ZNF407: variants seen among roughly 807,000 people sequenced by gnomAD.
The protein encoded by ZNF407 is zinc finger protein 407.
ZNF407 carries 17 observed loss-of-function variants against 131.2 expected under a neutral mutation model. The ratio of observed to expected loss-of-function variants is 0.13; its 90% CI spans 0.09 to 0.19. The LOEUF is 0.19. ZNF407 is among the 10% of genes least tolerant of loss of function. The pLI, the probability that ZNF407 is intolerant of heterozygous loss-of-function variation, is 1.00. For synonymous variants in ZNF407, 1,156 were observed against 1,062.0 expected (o/e 1.09, Z -1.72); for missense variants, 2,681 against 2,830.6 (o/e 0.95, Z 1.20).
At chr18:74,990,217 T>C (rs1972702788) in intron 8 of ZNF407, among the ~76,000 whole-genome samples, 1 of 152,230 alleles carries the variant, frequency 6.6e-6, no homozygotes, top group South Asian at 2.1e-4. Flanking sequence ...TTAAACGCTC[T>C]GTGCAGATGT....
intron 7 of ZNF407, among the ~76,000 whole-genome samples, chr18:74,902,675 G>T (rs72979454): frequency 0.022 from 3,326 of 152,128 alleles, 48 homozygotes; most frequent in Non-Finnish European, 0.034. Flanking sequence ...ATTATAAAAG[G>T]TTTACATTCT....
chr18:74,809,712 A>T (rs780193160), intron 4 of ZNF407, among the ~76,000 whole-genome samples: 14 of 152,228 alleles, frequency 9.2e-5, no homozygotes, highest in Non-Finnish European at 1.5e-4. Flanking sequence ...GGTAATTTTA[A>T]ACAGTTCTTG....
chr18:74,806,109 A>G (rs1038966172), intron 4 of ZNF407, among the ~76,000 whole-genome samples: 1 of 152,232 alleles, frequency 6.6e-6, no homozygotes, highest in African/African-American at 2.4e-5. Context: ...TATACTTTGT[A>G]GAACTCCAAG....
chr18:74,849,677 ACAGT>A (rs978012825), intron 4 of ZNF407, among the ~76,000 whole-genome samples: 1 of 152,188 alleles, frequency 6.6e-6, no homozygotes, highest in Non-Finnish European at 1.5e-5. Flanking sequence ...ACCTGCTTAG[ACAGT>A]CATCCTTCCA....
At chr18:74,647,029 T>C (rs964535468) in intron 3 of ZNF407, among the ~76,000 whole-genome samples, 1 of 152,244 alleles carries the variant, frequency 6.6e-6, no homozygotes, top group Admixed American at 6.5e-5. Flanking sequence ...GTGTAGTAGT[T>C]GAAAACATTG....
At chr18:74,699,001 TTTTCTC>T (rs933869424) in intron 3 of ZNF407, among the ~76,000 whole-genome samples, 7 of 152,254 alleles carry the variant, frequency 4.6e-5, no homozygotes, top group African/African-American at 1.7e-4. Flanking sequence ...TAAAAAGAGA[TTTTCTC>T]TAATCGAAAA....
At chr18:75,061,837 C>G (rs905383702) in intron 8 of ZNF407, 2 of 152,652 alleles carry the variant, frequency 1.3e-5, no homozygotes, top group East Asian at 3.9e-4. Context: ...CTGGTCTCCC[C>G]TTATTGCCTC....
intron 3 of ZNF407, among the ~76,000 whole-genome samples, chr18:74,711,963 G>A (rs1967775385): frequency 6.6e-6 from 1 of 152,144 alleles, no homozygotes; most frequent in South Asian, 2.1e-4. Flanking sequence ...ACCCGCCTCG[G>A]CCTCCCAAAG....
At chr18:74,939,918 T>G (rs1972078132) in intron 8 of ZNF407, among the ~76,000 whole-genome samples, 3 of 152,206 alleles carry the variant, frequency 2.0e-5, no homozygotes, top group African/African-American at 7.2e-5. Context: ...TTTCTTGCTG[T>G]GTGATCTTGG....
intron 7 of ZNF407, among the ~76,000 whole-genome samples, chr18:74,919,820 AT>A (rs1284924171): frequency 6.6e-6 from 1 of 152,174 alleles, no homozygotes; most frequent in Middle Eastern, 3.2e-3. Flanking sequence ...CAGCTTGCTG[AT>A]TATTTCAGGG....
rs895329679 is a variant in ZNF407, at chr18:75,033,737, C to T, written c.5429-29413C>T. Reference sequence around the variant, plus strand: ...AAAAATGGAATACCTAGCATTGCAGCGGGAGACCTAATCAGATTCTCCAAA... The same window carrying T: ...AAAAATGGAATACCTAGCATTGCAGTGGGAGACCTAATCAGATTCTCCAAA... On this transcript the variant is annotated intron_variant, in intron 8 of 8. Transcript: ENST00000299687. Among the ~76,000 whole-genome samples, 8 of 152,168 alleles carry T rather than the reference C, an allele frequency of 5.3e-5. No individual in the cohort carries two copies. The East Asian group carries it at 5.8e-4, about 11-fold the overall frequency.
chr18:74,691,891 A>G (rs1019228202), intron 3 of ZNF407, among the ~76,000 whole-genome samples: 5 of 152,078 alleles, frequency 3.3e-5, no homozygotes, highest in Non-Finnish European at 7.4e-5. Context: ...CCCTGGAGTT[A>G]TAGACCAGCC....
chr18:74,799,474 C>T (rs1405290795), intron 4 of ZNF407, among the ~76,000 whole-genome samples: 1 of 152,024 alleles, frequency 6.6e-6, no homozygotes, highest in Admixed American at 6.6e-5. Context: ...ATTTCTAGCA[C>T]TTCAGGTTTT....
At chr18:75,002,895 T>G (rs954246801) in intron 8 of ZNF407, among the ~76,000 whole-genome samples, 8 of 152,156 alleles carry the variant, frequency 5.3e-5, no homozygotes, top group Admixed American at 5.2e-4. Context: ...GAAAGTGTTT[T>G]ACAAATAAAA....
chr18:74,698,094 C>T (rs930766180), intron 3 of ZNF407, among the ~76,000 whole-genome samples: 4 of 152,174 alleles, frequency 2.6e-5, no homozygotes, highest in African/African-American at 9.7e-5. Context: ...TGACATCATC[C>T]TAAAAGCGAT....
At chr18:74,828,423 C>A (rs892053746) in intron 4 of ZNF407, among the ~76,000 whole-genome samples, 1 of 152,166 alleles carries the variant, frequency 6.6e-6, no homozygotes, top group Non-Finnish European at 1.5e-5. Flanking sequence ...AGCTGTTACT[C>A]TCCTGGGAGG....
At chr18:75,021,758 A>G (rs1361259239) in intron 8 of ZNF407, among the ~76,000 whole-genome samples, 2 of 152,050 alleles carry the variant, frequency 1.3e-5, no homozygotes, top group South Asian at 2.1e-4. Context: ...ATAAAATTCT[A>G]TACGGAAATA....
At chr18:74,628,618 C>T (rs1160999644) in intron 1 of ZNF407, among the ~76,000 whole-genome samples, 1 of 152,142 alleles carries the variant, frequency 6.6e-6, no homozygotes, top group Non-Finnish European at 1.5e-5. Flanking sequence ...AGGTCTCTGT[C>T]TCTGTCTCCC....
At chr18:74,673,955 G>A (rs496277) in intron 3 of ZNF407, among the ~76,000 whole-genome samples, 3,527 of 152,236 alleles carry the variant, frequency 0.023, 147 homozygotes, top group African/African-American at 0.08. Flanking sequence ...ATGTATTCTA[G>A]AAAATATGTA....
Sources: allele counts gnomAD v4.1 joint callset (sites outside exome capture counted in the v4.1 genomes callset), GRCh38; gene constraint gnomAD v4.1.1; transcripts MANE v1.5; gene names NCBI Gene and HGNC (gene_info 2026-07-23, HGNC 2026-07-21).